Variants in IL16 observed in about 807,000 individuals in gnomAD.
IL16 encodes pro-interleukin-16.
IL16 carries 67 observed loss-of-function variants against 110.1 expected under a neutral mutation model. The observed-to-expected ratio is 0.61, with a 90% CI of 0.50 to 0.75. The LOEUF (loss-of-function observed/expected upper bound fraction) is 0.75, where lower values mean the gene tolerates loss of function less well. Among genes scored for constraint, IL16 ranks in the 30% least tolerant of loss-of-function variants. The pLI, the probability that IL16 is intolerant of heterozygous loss-of-function variation, is 0.00. For synonymous variants in IL16, 689 were observed against 662.9 expected (o/e 1.04, Z -0.61); for missense variants, 1,545 against 1,655.0 (o/e 0.93, Z 1.15).
At chr15:81,230,159 ATG>A (rs1324680025) in intron 2 of IL16, among the ~76,000 whole-genome samples, 1 of 152,214 alleles carries the variant, frequency 6.6e-6, no homozygotes, top group Non-Finnish European at 1.5e-5. Flanking sequence ...ACCCCTGGAG[ATG>A]AATTCAAATG....
chr15:81,274,234 A>G (rs1393265177), intron 6 of IL16, among the ~76,000 whole-genome samples: 1 of 152,198 alleles, frequency 6.6e-6, no homozygotes, highest in African/African-American at 2.4e-5. Flanking sequence ...AATCTGGCCC[A>G]CCGCCTGTTT....
At chr15:81,278,696 T>A (rs1169296512) in intron 6 of IL16, 121 bp from the exon 7 acceptor site, 1 of 734,400 alleles carries the variant, frequency 1.4e-6, no homozygotes, top group Admixed American at 1.9e-5. Flanking sequence ...GAAAATGTTC[T>A]TCCAGAGCTT....
In IL16 at chr15:81,220,179, G is replaced by A. The variant is rs114087150; in HGVS notation, c.-101-5120G>A. 3.7e-3 allele frequency among the ~76,000 whole-genome samples: 556 copies of A among 152,254 alleles called. 4 individuals carry two copies. The highest frequency in any genetic ancestry group is 0.013 in the African/African-American group (530 of 41,538). On this transcript the variant is annotated intron_variant, in intron 1 of 18. Transcript: ENST00000683961. ...CGAGACAGGGTCTCACTGTTGCCCAGGCTGGAGTGCAGTGCTGTGATTTCG... is the reference window on the plus strand; with the variant it reads ...CGAGACAGGGTCTCACTGTTGCCCAAGCTGGAGTGCAGTGCTGTGATTTCG...
At position 81,225,681 on chromosome 15, in the gene IL16, C is replaced by A. The variant is rs374725926; in HGVS notation, c.282C>A (p.Gly94=). 5 of 1,613,304 alleles carry A rather than the reference C, an allele frequency of 3.1e-6. No homozygotes were observed. The highest frequency in any genetic ancestry group is 4.2e-6 in the Non-Finnish European group (5 of 1,179,462). The part of the protein sequence containing the change: ...AQLQAAGNDR[G]KTCRRIFFMK... ...TCCAAGCAGCTGGGAATGATCGAGG[C>A]AAGACCTGTAGGAGGATATTCTTCA... Residue 94 remains glycine, a synonymous_variant, in exon 2 of 19, where the codon GGC becomes GGA. Transcript: ENST00000683961.
chr15:81,194,127 A>T (rs1444608256), upstream of IL16, among the ~76,000 whole-genome samples: 1 of 152,170 alleles, frequency 6.6e-6, no homozygotes, highest in Non-Finnish European at 1.5e-5. Flanking sequence ...CTTTGCTCAG[A>T]CCTCTGAGCA....
intron 8 of IL16, among the ~76,000 whole-genome samples, chr15:81,280,448 T>C (rs1899122932): frequency 6.6e-6 from 1 of 152,232 alleles, no homozygotes; most frequent in African/African-American, 2.4e-5. Context: ...GATTCTCTTC[T>C]AACTGGAGTT....
chr15:81,292,158 T>C (rs1899750634), intron 11 of IL16: 1 of 354,892 alleles, frequency 2.8e-6, no homozygotes, highest in Non-Finnish European at 5.6e-6. Context: ...TCTGTAACCC[T>C]ATCTCCAGCA....
At chr15:81,197,848 A>C (rs923288381) in intron 1 of IL16, among the ~76,000 whole-genome samples, 2 of 151,920 alleles carry the variant, frequency 1.3e-5, no homozygotes, top group Non-Finnish European at 2.9e-5. Flanking sequence ...TCCTGCCCTT[A>C]TCAGGTGAAA....
In IL16 at chr15:81,189,119, AATTTT is replaced by A. The variant is rs1434195722; in HGVS notation, c.40+6224_40+6228del. Among the ~76,000 whole-genome samples the A allele has an allele frequency of 1.3e-3, 187 of 138,930 alleles. 2 individuals are homozygous for A. The highest frequency in any genetic ancestry group is 5.1e-3 in the African/African-American group (183 of 35,792). The allele number at this position is 138,930 out of a possible 152,430, so 91.1% of individuals were successfully genotyped here. On this transcript the variant is annotated intron_variant, in intron 1 of 18. Transcript: ENST00000302987. ...TAGGCACATGCCACCATGCCAAGATAATTTTTTTTTTTTTTTTTTTTTGAGACGGA... is the reference window on the plus strand; with the variant it reads ...TAGGCACATGCCACCATGCCAAGATATTTTTTTTTTTTTTTTTGAGACGGA...
intron 6 of IL16, among the ~76,000 whole-genome samples, chr15:81,277,717 A>G (rs1898976413): frequency 6.6e-6 from 1 of 152,206 alleles, no homozygotes. Flanking sequence ...GTGCCCAGCT[A>G]GAAAAAGAAA....
chr15:81,264,182 G>A (rs565377703), intron 3 of IL16, among the ~76,000 whole-genome samples: 88 of 152,238 alleles, frequency 5.8e-4, no homozygotes, highest in African/African-American at 2.0e-3. Flanking sequence ...TCTTTGCAGC[G>A]TGTGGTTTTC....
In IL16 at chr15:81,279,792, G is replaced by C. The variant is rs1361261046; in HGVS notation, c.1081+18G>C. ...GCAGAAAGGTAGGAGTGCTGCAGCTGTGTCCCGTGCCTGGGTCTCCCAGCA... is the reference window on the plus strand; with the variant it reads ...GCAGAAAGGTAGGAGTGCTGCAGCTCTGTCCCGTGCCTGGGTCTCCCAGCA... On this transcript the variant is annotated intron_variant, in intron 8 of 18. Transcript: ENST00000683961. 6.2e-7 allele frequency: 1 copy of C among 1,607,912 alleles called. No homozygotes were observed. Among genetic ancestry groups the C allele is most frequent in the Non-Finnish European group, 8.5e-7 (1 of 1,174,870 alleles).
At chr15:81,211,207 A>T (rs1896229106) in intron 1 of IL16, among the ~76,000 whole-genome samples, 2 of 150,886 alleles carry the variant, frequency 1.3e-5, no homozygotes. Context: ...CTATAGGCAC[A>T]TGCCATGCCT....
chr15:81,206,002 T>C (rs1896003292), intron 1 of IL16, among the ~76,000 whole-genome samples: 1 of 152,174 alleles, frequency 6.6e-6, no homozygotes, highest in South Asian at 2.1e-4. Context: ...AGCGTCGAAA[T>C]ATGTAAAACA....
chr15:81,300,190 C>T lies in IL16; in HGVS notation c.2864C>T (p.Pro955Leu), dbSNP rs764900529. 2.2e-5 allele frequency: 36 copies of T among 1,614,074 alleles called. No individual in the cohort carries two copies. The highest frequency in any genetic ancestry group is 2.5e-5 in the Non-Finnish European group (30 of 1,180,046). ...ACACAGGCTGAGGAATCTCAAGGCC[C>T]AGTGCTCAAGATGCCTAGCCAGCGA... ...LSTQAEESQG[P>L]VLKMPSQRAR... is the part of the protein sequence containing the mutation. The change falls in exon 14 of 19, where the codon CCA (proline) becomes CTA (leucine). Residue 955 changes from proline (P) to leucine (L), a missense_variant. By Grantham distance (98) the Pro-to-Leu change is moderately conservative (BLOSUM62 -3). Coordinates refer to ENST00000683961, the MANE Select transcript of IL16 (RefSeq NM_172217.5).
In IL16 at chr15:81,310,580, G is replaced by A. The variant is rs768861757; in HGVS notation, c.*1782G>A. 3 of 152,194 alleles carry A rather than the reference G, an allele frequency of 2.0e-5. No homozygotes were observed. Among genetic ancestry groups the A allele is most frequent in the East Asian group, 1.9e-4 (1 of 5,194 alleles). The allele number at this position is 152,194 out of a possible 1,614,324, so 9.4% of individuals were successfully genotyped here. ...TGAACATAATCTACCAACGAAAGAC[G>A]TGATTCAATTCAACACTCCCTTCCC... On this transcript the variant is annotated 3_prime_UTR_variant, in exon 19 of 19. Transcript: ENST00000683961.
intron 1 of IL16, among the ~76,000 whole-genome samples, chr15:81,216,636 C>T (rs573800502): frequency 7.6e-4 from 112 of 147,870 alleles, no homozygotes; most frequent in Non-Finnish European, 1.2e-3. Flanking sequence ...TGGGCCACAT[C>T]TGTCTGTCTT....
At position 81,225,540 on chromosome 15, in the gene IL16, T is replaced by G; in HGVS notation, c.141T>G (p.Ile47Met). The change falls in exon 2 of 19, where the codon ATT becomes ATG. Residue 47 changes from isoleucine to methionine, a missense_variant. Around this residue, in one of 3 missense-constraint regions of IL16, gnomAD observed 1,185 missense variants for 1,238.8 expected, o/e 0.96. Coordinates refer to ENST00000683961, the MANE Select transcript of IL16 (RefSeq NM_172217.5). Reference sequence around the variant, plus strand: ...AGAAATATCCTGATCCCTTTGAGATTTCCTTGGCCCAGGGCAAGGAGGGAA... The same window carrying G: ...AGAAATATCCTGATCCCTTTGAGATGTCCTTGGCCCAGGGCAAGGAGGGAA... ...PDEKYPDPFE[I>M]SLAQGKEGIF... The G allele has an allele frequency of 6.2e-7, 1 of 1,614,150 alleles. No individual in the cohort carries two copies. The highest frequency in any genetic ancestry group is 8.5e-7 in the Non-Finnish European group (1 of 1,180,008).
chr15:81,238,640 C>T (rs906000008), intron 2 of IL16, among the ~76,000 whole-genome samples: 1 of 151,970 alleles, frequency 6.6e-6, no homozygotes, highest in Non-Finnish European at 1.5e-5. Flanking sequence ...TTTGCCCCAA[C>T]CATAAAATAT....
Sources: gnomAD v4.1 joint callset for allele counts (sites outside exome capture counted in the v4.1 genomes callset) on GRCh38, gnomAD v4.1.1 for gene constraint, gnomAD v4.1.1 regional missense constraint, MANE v1.5 for transcripts, NCBI Gene and HGNC (gene_info 2026-07-23, HGNC 2026-07-21) for gene names.